The following CNOT8 variants were observed in gnomAD, a reference collection of about 807,000 sequenced individuals.
CNOT8 encodes CCR4-NOT transcription complex subunit 8.
CNOT8 carries 18 observed loss-of-function variants against 34.6 expected under a neutral mutation model. That is an observed-to-expected ratio of 0.52 (90% CI 0.36 to 0.77). The LOEUF is 0.77. Ranked by LOEUF, CNOT8 falls within the 30% of genes least tolerant of loss-of-function variation. The pLI is 0.00. For missense variants in CNOT8, 189 were observed against 347.9 expected (o/e 0.54, Z 3.63); for synonymous variants, 101 against 118.8 (o/e 0.85, Z 0.98).
intron 1 of CNOT8, chr5:154,859,800 T>A (rs565662974): frequency 6.6e-6 from 1 of 152,324 alleles, no homozygotes; most frequent in East Asian, 1.9e-4. Flanking sequence ...GTTTACACCG[T>A]AGATGAACGG....
chr5:154,865,045 C>CA (rs1474986798), intron 2 of CNOT8, 147 bp from the exon 3 acceptor site: 3 of 692,046 alleles, frequency 4.3e-6, no homozygotes, highest in South Asian at 2.0e-5. Context: ...AACCCTATCT[C>CA]AAAAAAACAC....
chr5:154,874,650 C>T (rs1762781702), intron 6 of CNOT8, among the ~76,000 whole-genome samples: 1 of 151,856 alleles, frequency 6.6e-6, no homozygotes, highest in Non-Finnish European at 1.5e-5. Context: ...TTCTCTGCCT[C>T]AGCCTCCCAA....
chr5:154,860,527 C>T (rs996096414), intron 1 of CNOT8, among the ~76,000 whole-genome samples: 1 of 152,126 alleles, frequency 6.6e-6, no homozygotes, highest in Admixed American at 6.6e-5. Flanking sequence ...AGGCTGGTCT[C>T]GAACTCCTGG....
Position 154,875,445 on chromosome 5 carries a change from C to G in CNOT8, c.*6C>G. On this transcript the variant is annotated 3_prime_UTR_variant, in exon 7 of 7. Coordinates refer to ENST00000285896, the MANE Select transcript of CNOT8 (RefSeq NM_001301073.2). ...TCAACAACATGCAGCAGTGATGGCGCCAGGCTCTGCAGGGTGGGCCTGATC... is the reference window on the plus strand; with the variant it reads ...TCAACAACATGCAGCAGTGATGGCGGCAGGCTCTGCAGGGTGGGCCTGATC... 6.2e-7 allele frequency: 1 copy of G among 1,613,028 alleles called. No individual in the cohort carries two copies. Among genetic ancestry groups the G allele is most frequent in the South Asian group, 1.1e-5 (1 of 91,052 alleles).
At chr5:154,871,387 T>C (rs1762466018) in intron 4 of CNOT8, among the ~76,000 whole-genome samples, 2 of 151,962 alleles carry the variant, frequency 1.3e-5, no homozygotes, top group Non-Finnish European at 2.9e-5. Context: ...GGCAAAACCC[T>C]GTCTTTACTA....
intron 2 of CNOT8, 114 bp from the exon 3 acceptor site, chr5:154,865,078 T>G (rs551655386): frequency 1.1e-6 from 1 of 910,658 alleles, no homozygotes; most frequent in African/African-American, 1.7e-5. Context: ...GTGCCCAAGT[T>G]TGGGGCTTGC....
chr5:154,874,051 A>G (rs1762722679), intron 6 of CNOT8, among the ~76,000 whole-genome samples: 1 of 152,144 alleles, frequency 6.6e-6, no homozygotes, highest in African/African-American at 2.4e-5. Flanking sequence ...TGTTTTATAG[A>G]TAGGGAACTA....
chr5:154,870,243 T>C (rs1208922417), intron 3 of CNOT8, among the ~76,000 whole-genome samples: 1 of 145,008 alleles, frequency 6.9e-6, no homozygotes, highest in East Asian at 2.0e-4. Context: ...TGTGTTGTTT[T>C]TTTTTTGTTT....
At chr5:154,871,601 T>C in intron 4 of CNOT8, 129 bp from the exon 5 acceptor site, 1 of 554,166 alleles carries the variant, frequency 1.8e-6, no homozygotes, top group Non-Finnish European at 3.2e-6. Context: ...TATAGTACGA[T>C]AAACTACTCA....
At chr5:154,869,797 G>A (rs1762291261) in intron 3 of CNOT8, among the ~76,000 whole-genome samples, 1 of 151,754 alleles carries the variant, frequency 6.6e-6, no homozygotes, top group South Asian at 2.1e-4. Context: ...GCTAATTTTT[G>A]TGTTTTTAGT....
At position 154,875,292 on chromosome 5, in the gene CNOT8, G is replaced by A. The variant is rs1762844408; in HGVS notation, c.732G>A (p.Leu244=). 2 of 1,613,988 alleles carry A rather than the reference G, an allele frequency of 1.2e-6. No individual in the cohort carries two copies. The highest frequency in any genetic ancestry group is 1.7e-6 in the Non-Finnish European group (2 of 1,179,970). Residue 244 remains leucine, a splice_region_variant and synonymous_variant, in exon 7 of 7, where the codon TTG becomes TTA. Transcript: ENST00000285896. ...TGGTTCTCTGTCCCATTCTGCAGTT[G>A]TTTTTTGAGGACAGCATTGATGATG... The part of the protein sequence containing the change: ...TGMAFFRMKE[L]FFEDSIDDAK...
At chr5:154,867,731 T>A (rs1046272244) in intron 3 of CNOT8, 2 of 258,676 alleles carry the variant, frequency 7.7e-6, no homozygotes, top group African/African-American at 5.4e-5. Flanking sequence ...CATGTGTTGC[T>A]TGAGCTAAAA....
chr5:154,858,363 C>T (rs1760989679), upstream of CNOT8: 1 of 152,304 alleles, frequency 6.6e-6, no homozygotes, highest in South Asian at 2.1e-4. Flanking sequence ...CAGGCCTCCA[C>T]TCCCCACCTA....
intron 6 of CNOT8, 127 bp from the exon 7 acceptor site, chr5:154,875,163 C>G: frequency 3.0e-6 from 3 of 1,005,724 alleles, no homozygotes; most frequent in East Asian, 5.0e-5. Flanking sequence ...GTGATCTGCC[C>G]GCCTCAGCCT....
chr5:154,868,419 CA>C (rs1762136389), intron 3 of CNOT8, among the ~76,000 whole-genome samples: 1 of 151,826 alleles, frequency 6.6e-6, no homozygotes, highest in South Asian at 2.1e-4. Context: ...AGGTGCCCAC[CA>C]TGCCTGGCTA....
intron 1 of CNOT8, chr5:154,859,809 G>C (rs1461128751): frequency 6.6e-6 from 1 of 152,190 alleles, no homozygotes; most frequent in Non-Finnish European, 1.5e-5. Flanking sequence ...GTAGATGAAC[G>C]GGAGCGATCT....
Position 154,872,550 on chromosome 5 carries a change from C to T in CNOT8, c.628C>T (p.Gln210Ter). The change falls in exon 6 of 7, where the codon CAG becomes TAG. Residue 210 changes from glutamine (Q) to a stop codon, truncating the protein, a stop_gained. Coordinates refer to ENST00000285896, the MANE Select transcript of CNOT8 (RefSeq NM_001301073.2). LOFTEE classifies it high-confidence loss of function. ...KSCKNLKGGL[Q>*]EVADQLDLQR... is the part of the protein sequence containing the mutation. ...CTCCATACATCTCCAGGGAGGTCTT[C>T]AGGAAGTTGCTGATCAGTTGGATTT... 6.2e-7 allele frequency: 1 copy of T among 1,610,352 alleles called. No individual in the cohort carries two copies. The highest frequency in any genetic ancestry group is 1.3e-5 in the African/African-American group (1 of 74,904).
rs1214176518 is a variant in CNOT8 at position 154,875,325 on chromosome 5, C to T, written c.765C>T (p.Tyr255=). The stretch of plus-strand genomic sequence containing the variant: ...AGGACAGCATTGATGATGCCAAGTA[C>T]TGTGGGCGGCTCTATGGCTTAGGCA... ...FFEDSIDDAK[Y]CGRLYGLGTG... The change falls in exon 7 of 7, where the codon TAC becomes TAT. Residue 255 remains tyrosine (Y), a synonymous_variant. Coordinates refer to ENST00000285896, the MANE Select transcript of CNOT8 (RefSeq NM_001301073.2). The T allele has an allele frequency of 6.2e-7, 1 of 1,614,018 alleles. No individual in the cohort carries two copies. The highest frequency in any genetic ancestry group is 8.5e-7 in the Non-Finnish European group (1 of 1,180,036).
chr5:154,862,226 TTAAAAG>T (rs1274061965), intron 1 of CNOT8, among the ~76,000 whole-genome samples: 1 of 151,888 alleles, frequency 6.6e-6, no homozygotes, highest in Non-Finnish European at 1.5e-5. Context: ...ATTTATGTGT[TTAAAAG>T]TAAATACTGG....
Sources: allele counts gnomAD v4.1 joint callset (sites outside exome capture counted in the v4.1 genomes callset), GRCh38; gene constraint gnomAD v4.1.1; transcripts MANE v1.5; gene names NCBI Gene and HGNC (gene_info 2026-07-23, HGNC 2026-07-21).